The following MLLT10 variants were observed in gnomAD, a reference collection of about 807,000 sequenced individuals.
MLLT10 encodes protein AF-10.
A neutral mutation model predicts 129.1 loss-of-function variants in MLLT10; 30 were observed. That is an observed-to-expected ratio of 0.23 (90% CI 0.17 to 0.32). MLLT10 has a LOEUF of 0.32. Among genes scored for constraint, MLLT10 ranks in the 10% least tolerant of loss-of-function variants. The pLI is 1.00. For missense variants in MLLT10, 1,119 were observed against 1,268.3 expected (o/e 0.88, Z 1.79); for synonymous variants, 490 against 446.4 (o/e 1.10, Z -1.23).
At chr10:21,556,771 T>C (rs1288529754) in intron 3 of MLLT10, 2 of 1,601,964 alleles carry the variant, frequency 1.2e-6, no homozygotes, top group Admixed American at 1.7e-5. Flanking sequence ...TTTCTGGTGC[T>C]CTGATGCATT....
At chr10:21,595,191 T>G (rs1164566685) in intron 4 of MLLT10, 140 bp from the exon 5 acceptor site, 5 of 568,710 alleles carry the variant, frequency 8.8e-6, no homozygotes, top group Non-Finnish European at 1.5e-5. Flanking sequence ...GCAATGGAAG[T>G]AAGACAGCAA....
At chr10:21,677,110 T>A (rs957057867) in intron 11 of MLLT10, among the ~76,000 whole-genome samples, 2 of 152,202 alleles carry the variant, frequency 1.3e-5, no homozygotes, top group African/African-American at 4.8e-5. Flanking sequence ...GCATTTTCCC[T>A]GGGTCCAGAG....
intron 3 of MLLT10, among the ~76,000 whole-genome samples, chr10:21,539,950 A>G (rs1564367271): frequency 6.7e-6 from 1 of 150,108 alleles, no homozygotes; most frequent in Non-Finnish European, 1.5e-5. Context: ...CAGGAAAGGA[A>G]AAAAAAAAAC....
Position 21,742,116 on chromosome 10 carries a change from C to T in MLLT10, c.*133C>T. ...ATGCACAACAAAGGATTAATTGCTG[C>T]AAGGACATTCTTGTAAGGCTTTGAT... is the stretch of plus-strand genomic sequence containing the variant. On this transcript the variant is annotated 3_prime_UTR_variant, in exon 23 of 23. Transcript: ENST00000307729. 1 of 754,666 alleles carries T rather than the reference C, an allele frequency of 1.3e-6. No homozygotes were observed. The highest frequency in any genetic ancestry group is 2.2e-6 in the Non-Finnish European group (1 of 462,900). 46.7% of individuals were successfully genotyped at this position (754,666 alleles called of 1,614,324 possible). A position where few individuals can be genotyped will look rare whatever the true frequency, so the allele number is the denominator to read the frequency against.
At chr10:21,542,207 G>T (rs2035292558) in intron 3 of MLLT10, among the ~76,000 whole-genome samples, 1 of 152,110 alleles carries the variant, frequency 6.6e-6, no homozygotes, top group Admixed American at 6.6e-5. Context: ...CTTGTTACGT[G>T]CTTCCACTCT....
At chr10:21,594,979 CGTAA>C (rs1017884505) in intron 4 of MLLT10, among the ~76,000 whole-genome samples, 8 of 151,998 alleles carry the variant, frequency 5.3e-5, no homozygotes, top group South Asian at 2.1e-4. Context: ...TAAATTTTGT[CGTAA>C]GTATTAAACT....
At chr10:21,636,403 T>C (rs1169573697) in intron 8 of MLLT10, among the ~76,000 whole-genome samples, 1 of 152,198 alleles carries the variant, frequency 6.6e-6, no homozygotes, top group Non-Finnish European at 1.5e-5. Context: ...GTGTTACGAT[T>C]ACAGGGTTGA....
Position 21,626,100 on chromosome 10 carries a change from C to T in MLLT10, c.699+8893C>T, listed in dbSNP as rs923635849. 2.5e-6 allele frequency: 4 copies of T among 1,608,578 alleles called. No homozygotes were observed. The East Asian group carries it at 6.7e-5, about 27-fold the overall frequency. On this transcript the variant is annotated intron_variant, in intron 8 of 22. Transcript: ENST00000307729. Reference sequence around the variant, plus strand: ...TCAGGTCCCTTTGTGGACTCTTGCACCTAGCTCCCCTGTTTCTCTCTCTGC... The same window carrying T: ...TCAGGTCCCTTTGTGGACTCTTGCATCTAGCTCCCCTGTTTCTCTCTCTGC...
At chr10:21,597,878 A>C (rs1264538094) in intron 5 of MLLT10, among the ~76,000 whole-genome samples, 2 of 152,182 alleles carry the variant, frequency 1.3e-5, no homozygotes, top group Non-Finnish European at 2.9e-5. Context: ...GCATCCTATC[A>C]GTTGGTACAT....
intron 4 of MLLT10, among the ~76,000 whole-genome samples, chr10:21,591,623 C>A (rs2042512336): frequency 6.6e-6 from 1 of 151,664 alleles, no homozygotes; most frequent in Non-Finnish European, 1.5e-5. Context: ...ATATCTCTTC[C>A]TATATATATA....
At chr10:21,636,579 C>CTT (rs895419724) in intron 8 of MLLT10, among the ~76,000 whole-genome samples, 1 of 142,878 alleles carries the variant, frequency 7.0e-6, no homozygotes, top group East Asian at 2.0e-4. Flanking sequence ...CTTTTCTTTT[C>CTT]TTTTTTTTTT....
At chr10:21,670,776 T>G (rs968507562) in intron 10 of MLLT10, 72 bp downstream of exon 10, 87 of 1,494,886 alleles carry the variant, frequency 5.8e-5, no homozygotes, top group Non-Finnish European at 7.8e-5. Context: ...GTAAAATAAT[T>G]GGTTTGTTTT....
intron 13 of MLLT10, among the ~76,000 whole-genome samples, chr10:21,709,440 A>C (rs1564692652): frequency 6.6e-6 from 1 of 152,154 alleles, no homozygotes; most frequent in East Asian, 1.9e-4. Flanking sequence ...CATGTTGGCC[A>C]GGCTGGTCTC....
chr10:21,596,760 A>G (rs1446435534), intron 5 of MLLT10, among the ~76,000 whole-genome samples: 2 of 151,776 alleles, frequency 1.3e-5, no homozygotes, highest in Non-Finnish European at 2.9e-5. Context: ...GTTTATTTTA[A>G]TATTATAATT....
At position 21,641,710 on chromosome 10, in the gene MLLT10, T is replaced by C. The variant is rs995723530; in HGVS notation, c.700-9963T>C. On this transcript the variant is annotated intron_variant, in intron 8 of 22. Coordinates refer to ENST00000307729, the MANE Select transcript of MLLT10 (RefSeq NM_001195626.3). ...ATTTCCTCAAAGATACCTTTAAGTT[T>C]AATAATAGAAATTACAAAAGCAAAC... Among the ~76,000 whole-genome samples, 6 of 152,178 alleles carry C rather than the reference T, an allele frequency of 3.9e-5. No homozygotes were observed. In the East Asian group the frequency reaches 1.2e-3, roughly 29 times the overall value.
chr10:21,534,758 G>A lies in MLLT10; in HGVS notation c.114G>A (p.Pro38=), dbSNP rs1311683323. Residue 38 remains proline, a synonymous_variant, in exon 2 of 23, where the codon CCG becomes CCA. Coordinates refer to ENST00000307729, the MANE Select transcript of MLLT10 (RefSeq NM_001195626.3). ...CSDERGWAEN[P]LVYCDGHGCS... ...ACGAGAGAGGCTGGGCCGAGAACCC[G>A]CTGGTTTATTGCGACGGGCACGGCT... is the stretch of plus-strand genomic sequence containing the variant. 3 of 1,612,812 alleles carry A rather than the reference G, an allele frequency of 1.9e-6. No homozygotes were observed. Among genetic ancestry groups the A allele is most frequent in the East Asian group, 4.5e-5 (2 of 44,768 alleles).
At chr10:21,726,093 A>T in intron 14 of MLLT10, 151 bp from the exon 15 acceptor site, 3 of 579,874 alleles carry the variant, frequency 5.2e-6, no homozygotes, top group Non-Finnish European at 8.9e-6. Flanking sequence ...GAATGGTAAA[A>T]CAAGTAAGAA....
intron 21 of MLLT10, among the ~76,000 whole-genome samples, chr10:21,737,333 T>C (rs2058455903): frequency 6.6e-6 from 1 of 152,032 alleles, no homozygotes; most frequent in South Asian, 2.1e-4. Context: ...CATGTCACTT[T>C]GGAAAGCAGA....
chr10:21,649,232 C>T (rs1032688195), intron 8 of MLLT10, among the ~76,000 whole-genome samples: 3 of 152,128 alleles, frequency 2.0e-5, no homozygotes, highest in Non-Finnish European at 4.4e-5. Context: ...TACACCACCA[C>T]ACTTGGCTAA....
Sources: gnomAD v4.1 joint callset for allele counts (sites outside exome capture counted in the v4.1 genomes callset) on GRCh38, gnomAD v4.1.1 for gene constraint, MANE v1.5 for transcripts, NCBI Gene and HGNC (gene_info 2026-07-23, HGNC 2026-07-21) for gene names.